SKAP2: variants seen among roughly 807,000 people sequenced by gnomAD.
The protein encoded by SKAP2 is src kinase associated phosphoprotein 2.
A neutral mutation model predicts 54.9 loss-of-function variants in SKAP2; 28 were observed. That is an observed-to-expected ratio of 0.51 (90% CI 0.38 to 0.70). The LOEUF (loss-of-function observed/expected upper bound fraction) is 0.70. Ranked by LOEUF, SKAP2 falls within the 30% of genes least tolerant of loss-of-function variation. The pLI, the probability that SKAP2 is intolerant of heterozygous loss-of-function variation, is 0.00. For synonymous variants in SKAP2, 137 were observed against 134.3 expected (o/e 1.02, Z -0.14); for missense variants, 356 against 424.1 (o/e 0.84, Z 1.41).
chr7:26,691,229 A>C (rs1258066332), intron 9 of SKAP2, among the ~76,000 whole-genome samples: 1 of 152,182 alleles, frequency 6.6e-6, no homozygotes, highest in Non-Finnish European at 1.5e-5. Flanking sequence ...TCCCCAAATT[A>C]TGCAAAGAAA....
intron 11 of SKAP2, among the ~76,000 whole-genome samples, chr7:26,674,310 T>G (rs10259484): frequency 6.6e-6 from 1 of 152,136 alleles, no homozygotes. Context: ...TATTCTTCAT[T>G]GTGATATCTT....
chr7:26,734,211 T>C (rs1400024068), intron 6 of SKAP2, among the ~76,000 whole-genome samples: 1 of 152,216 alleles, frequency 6.6e-6, no homozygotes, highest in African/African-American at 2.4e-5. Context: ...TCCTGCTAAA[T>C]GGTCCTGTTG....
chr7:26,658,883 C>T, the SKAP2 span, among the ~76,000 whole-genome samples: 3 of 151,560 alleles, frequency 2.0e-5, no homozygotes, highest in South Asian at 6.3e-4. Flanking sequence ...GTGCTGAAGC[C>T]ACAGGGATGC....
At chr7:26,735,510 C>A (rs754918688) in intron 6 of SKAP2, among the ~76,000 whole-genome samples, 8 of 152,170 alleles carry the variant, frequency 5.3e-5, no homozygotes, top group Non-Finnish European at 1.0e-4. Context: ...CCACTCCTAT[C>A]TTGATAGGTC....
At chr7:26,716,040 G>C (rs1053906572) in intron 9 of SKAP2, among the ~76,000 whole-genome samples, 3 of 152,160 alleles carry the variant, frequency 2.0e-5, no homozygotes, top group Non-Finnish European at 4.4e-5. Flanking sequence ...AGTGTAATTT[G>C]TTGAGAGTTT....
chr7:26,863,159 C>T (rs1562640097), intron 1 of SKAP2, among the ~76,000 whole-genome samples: 1 of 152,130 alleles, frequency 6.6e-6, no homozygotes, highest in Non-Finnish European at 1.5e-5. Context: ...CATAAGTCTA[C>T]ATTCATACAC....
At position 26,855,863 on chromosome 7, in the gene SKAP2, A is replaced by G. The variant is rs1308957859; in HGVS notation, c.68-973T>C. On this transcript the variant is annotated intron_variant, in intron 1 of 12. Coordinates refer to ENST00000345317, the MANE Select transcript of SKAP2 (RefSeq NM_003930.5). Reference sequence around the variant, plus strand: ...AGGATATCATTAAAGATGTTTAAGTAGGCATGGCTATAAATCATTGATTAT... The same window carrying G: ...AGGATATCATTAAAGATGTTTAAGTGGGCATGGCTATAAATCATTGATTAT... Among the ~76,000 whole-genome samples, 3 of 152,252 alleles carry G rather than the reference A, an allele frequency of 2.0e-5. No individual in the cohort carries two copies. In the East Asian group the frequency reaches 5.8e-4, roughly 29 times the overall value.
rs1358188365 is a variant in SKAP2, at chr7:26,699,185, C to T, written c.797-8823G>A. Among the ~76,000 whole-genome samples, 5 of 152,260 alleles carry T rather than the reference C, an allele frequency of 3.3e-5. No individual in the cohort carries two copies. The East Asian group carries it at 7.7e-4, about 23-fold the overall frequency. Reference sequence around the variant, plus strand: ...ACCAGCTTTTAACTACTACTTGTCGCGTCTGGGTACAATATCAAAAAAGAA... The same window carrying T: ...ACCAGCTTTTAACTACTACTTGTCGTGTCTGGGTACAATATCAAAAAAGAA... On this transcript the variant is annotated intron_variant, in intron 9 of 12. Transcript: ENST00000345317.
chr7:26,680,418 A>C (rs1786466394), intron 11 of SKAP2, among the ~76,000 whole-genome samples: 1 of 152,238 alleles, frequency 6.6e-6, no homozygotes, highest in African/African-American at 2.4e-5. Flanking sequence ...ATGAAAACTA[A>C]CAAAAATATT....
intron 4 of SKAP2, among the ~76,000 whole-genome samples, chr7:26,788,600 T>A (rs968598166): frequency 6.6e-6 from 1 of 152,172 alleles, no homozygotes; most frequent in Non-Finnish European, 1.5e-5. Flanking sequence ...AATGTATTAA[T>A]CTTATACCCC....
At chr7:26,715,727 C>G (rs1022207151) in intron 9 of SKAP2, among the ~76,000 whole-genome samples, 1 of 152,020 alleles carries the variant, frequency 6.6e-6, no homozygotes, top group Admixed American at 6.6e-5. Flanking sequence ...TGCAGTGAGC[C>G]GAGATCATGC....
At chr7:26,663,927 T>C (rs910367496), downstream of SKAP2, among the ~76,000 whole-genome samples, 1 of 152,046 alleles carries the variant, frequency 6.6e-6, no homozygotes, top group Non-Finnish European at 1.5e-5. Context: ...GGATCTGATA[T>C]GATAACCATG....
intron 4 of SKAP2, among the ~76,000 whole-genome samples, chr7:26,809,533 C>G (rs1023533507): frequency 6.6e-6 from 1 of 152,016 alleles, no homozygotes; most frequent in Non-Finnish European, 1.5e-5. Flanking sequence ...CAGGGAAATG[C>G]AAATTAAAAC....
chr7:26,818,882 A>C (rs928519244), intron 4 of SKAP2, among the ~76,000 whole-genome samples: 1 of 152,254 alleles, frequency 6.6e-6, no homozygotes, highest in Non-Finnish European at 1.5e-5. Flanking sequence ...ATACCATTTC[A>C]TGCCAGTTAG....
chr7:26,724,630 C>T (rs752533434), intron 9 of SKAP2, among the ~76,000 whole-genome samples: 1 of 152,098 alleles, frequency 6.6e-6, no homozygotes, highest in East Asian at 1.9e-4. Context: ...GCTTATATTG[C>T]TTATGATACC....
At chr7:26,835,485 C>T (rs1162649724) in intron 4 of SKAP2, among the ~76,000 whole-genome samples, 3 of 152,180 alleles carry the variant, frequency 2.0e-5, no homozygotes, top group African/African-American at 7.2e-5. Context: ...TGATAAGCAA[C>T]CTCAGCAAAG....
chr7:26,838,584 T>G (rs1439764969), intron 4 of SKAP2, among the ~76,000 whole-genome samples: 1 of 152,236 alleles, frequency 6.6e-6, no homozygotes, highest in African/African-American at 2.4e-5. Context: ...CTTTTCAGTT[T>G]GTTTTCCCAT....
At chr7:26,859,208 T>G (rs1785233780) in intron 1 of SKAP2, among the ~76,000 whole-genome samples, 1 of 151,260 alleles carries the variant, frequency 6.6e-6, no homozygotes, top group Non-Finnish European at 1.5e-5. Context: ...TTCATTGAGA[T>G]GTGCTGTCAC....
In SKAP2 at chr7:26,742,638, C is replaced by T. The variant is rs964216555; in HGVS notation, c.308-2674G>A. Among the ~76,000 whole-genome samples, 4 of 151,822 alleles carry T rather than the reference C, an allele frequency of 2.6e-5. No individual in the cohort carries two copies. In the East Asian group the frequency reaches 7.7e-4, roughly 29 times the overall value. On this transcript the variant is annotated intron_variant, in intron 4 of 12. Transcript: ENST00000345317. ...TTCTTCCCTGGGGAGTGGGGGAGTACATTTTTTTTAACTGAAATTTCATTT... is the reference window on the plus strand; with the variant it reads ...TTCTTCCCTGGGGAGTGGGGGAGTATATTTTTTTTAACTGAAATTTCATTT...
Sources: allele counts gnomAD v4.1 joint callset (sites outside exome capture counted in the v4.1 genomes callset), GRCh38; gene constraint gnomAD v4.1.1; transcripts MANE v1.5; gene names NCBI Gene and HGNC (gene_info 2026-07-23, HGNC 2026-07-21).